Variants in GNB1 observed in about 807,000 individuals in gnomAD.
GNB1 encodes the protein G protein subunit beta 1, also known as guanine nucleotide-binding protein G(I)/G(S)/G(T) subunit beta-1.
In GNB1, 2 loss-of-function variants were observed where a neutral mutation model predicts 42.9. The observed-to-expected ratio is 0.05, with a 90% CI of 0.02 to 0.15. The LOEUF (loss-of-function observed/expected upper bound fraction) is 0.15. Ranked by LOEUF, GNB1 falls within the 10% of genes least tolerant of loss-of-function variation. The pLI is 1.00. For synonymous variants in GNB1, 183 were observed against 174.7 expected, an observed-to-expected ratio of 1.05 and a Z score of -0.38; for missense variants, 193 against 462.2, an observed-to-expected ratio of 0.42 and a Z score of 5.34.
intron 3 of GNB1, among the ~76,000 whole-genome samples, chr1:1,822,148 C>T (rs747344538): frequency 7.2e-5 from 11 of 151,994 alleles, no homozygotes; most frequent in Non-Finnish European, 1.5e-4. Flanking sequence ...TAATTCCACC[C>T]GTTTCTTTTC....
chr1:1,847,847 ACAC>A (rs1327320815), intron 1 of GNB1, among the ~76,000 whole-genome samples: 1 of 152,176 alleles, frequency 6.6e-6, no homozygotes, highest in Non-Finnish European at 1.5e-5. Context: ...GAGCTATTAG[ACAC>A]CACACCAGAG....
At chr1:1,881,813 T>A (rs1453084148) in intron 1 of GNB1, among the ~76,000 whole-genome samples, 1 of 152,158 alleles carries the variant, frequency 6.6e-6, no homozygotes, top group Non-Finnish European at 1.5e-5. Flanking sequence ...ATGCGCTTGA[T>A]AAATAATTAC....
chr1:1,876,502 A>T (rs1649552260), intron 1 of GNB1, among the ~76,000 whole-genome samples: 1 of 151,702 alleles, frequency 6.6e-6, no homozygotes, highest in Admixed American at 6.6e-5. Flanking sequence ...CGAGAGAGAG[A>T]GAGAGAGAGA....
intron 1 of GNB1, among the ~76,000 whole-genome samples, chr1:1,866,938 A>G (rs180765247): frequency 1.3e-5 from 2 of 151,394 alleles, no homozygotes; most frequent in East Asian, 2.0e-4. Context: ...TGGGGCACAC[A>G]GGGAGACTCC....
intron 2 of GNB1, among the ~76,000 whole-genome samples, chr1:1,836,735 G>C (rs1362039297): frequency 3.9e-5 from 6 of 152,156 alleles, no homozygotes; most frequent in Non-Finnish European, 8.8e-5. Flanking sequence ...ATTTTTAGTA[G>C]AGATGGGGTT....
chr1:1,813,252 C>A (rs934773355), intron 5 of GNB1, among the ~76,000 whole-genome samples: 8 of 151,676 alleles, frequency 5.3e-5, no homozygotes, highest in African/African-American at 1.9e-4. Flanking sequence ...GTAGCTGGGA[C>A]TACAGCTACC....
chr1:1,785,846 G>A lies in GNB1; in HGVS notation c.*1217C>T, dbSNP rs974099436. The A allele has an allele frequency of 3.7e-5, 12 of 323,376 alleles. No individual in the cohort carries two copies. The highest frequency in any genetic ancestry group is 8.2e-4 in the Middle Eastern group (1 of 1,214). The allele number at this position is 323,376 out of a possible 1,614,324, so 20.0% of individuals were successfully genotyped here. Reference sequence around the variant, plus strand: ...AATAAAGAAAACAGTGACTTATCCCGCTACCCAAGCGTGTAGAGCCGCGCG... The same window carrying A: ...AATAAAGAAAACAGTGACTTATCCCACTACCCAAGCGTGTAGAGCCGCGCG... On this transcript the variant is annotated 3_prime_UTR_variant, in exon 12 of 12. Transcript: ENST00000378609.
intron 2 of GNB1, among the ~76,000 whole-genome samples, chr1:1,832,906 A>G (rs1647096520): frequency 6.6e-6 from 1 of 152,240 alleles, no homozygotes; most frequent in Admixed American, 6.5e-5. Context: ...TCTATATCAC[A>G]GAGCTAAAAT....
chr1:1,811,135 G>A (rs1646772523), intron 5 of GNB1, among the ~76,000 whole-genome samples: 1 of 150,234 alleles, frequency 6.7e-6, no homozygotes, highest in African/African-American at 2.5e-5. Flanking sequence ...GCCCAGGCTG[G>A]AGTGCAGTGG....
chr1:1,818,044 A>G (rs1325616056), intron 3 of GNB1, 169 bp from the exon 4 acceptor site: 2 of 586,706 alleles, frequency 3.4e-6, no homozygotes, highest in African/African-American at 3.7e-5. Context: ...GTCTACTACC[A>G]TCTGTGGACT....
chr1:1,844,046 T>A (rs1647477375), intron 1 of GNB1, among the ~76,000 whole-genome samples: 1 of 151,766 alleles, frequency 6.6e-6, no homozygotes, highest in Non-Finnish European at 1.5e-5. Context: ...ATACAAAAAA[T>A]TAGCTGGGCG....
At chr1:1,807,361 G>A (rs1360968043) in intron 5 of GNB1, among the ~76,000 whole-genome samples, 1 of 149,634 alleles carries the variant, frequency 6.7e-6, no homozygotes, top group Non-Finnish European at 1.5e-5. Flanking sequence ...CTACTCAGGA[G>A]GCTGAGGTGG....
intron 1 of GNB1, among the ~76,000 whole-genome samples, chr1:1,886,618 C>T (rs749747487): frequency 5.9e-5 from 9 of 152,232 alleles, no homozygotes; most frequent in Non-Finnish European, 1.2e-4. Flanking sequence ...CTAAACCAAA[C>T]ACTTAACTGA....
At chr1:1,881,824 T>C (rs572915759) in intron 1 of GNB1, among the ~76,000 whole-genome samples, 1 of 152,298 alleles carries the variant, frequency 6.6e-6, no homozygotes, top group African/African-American at 2.4e-5. Context: ...AAATAATTAC[T>C]GAGCACCTGG....
rs549467528 is a variant in GNB1, at chr1:1,866,768, C to A, written c.-96+24052G>T. On this transcript the variant is annotated intron_variant, in intron 1 of 11. Coordinates refer to ENST00000378609, the MANE Select transcript of GNB1 (RefSeq NM_002074.5). ...AGGAGATCGAGACCATCTTGGCTAA[C>A]ACGGTGAAACCCCGTTTCTACTAAA... Among the ~76,000 whole-genome samples the A allele has an allele frequency of 6.6e-5, 10 of 150,484 alleles. No individual in the cohort carries two copies. In the South Asian group the frequency reaches 2.1e-3, roughly 32 times the overall value.
intron 5 of GNB1, among the ~76,000 whole-genome samples, chr1:1,809,285 G>A (rs1050711941): frequency 6.8e-6 from 1 of 147,166 alleles, no homozygotes; most frequent in African/African-American, 2.5e-5. Context: ...AGCAATTCTC[G>A]TGCGTCAGCC....
In GNB1 at chr1:1,841,533, T is replaced by C. The variant is rs367784114; in HGVS notation, c.-95-2295A>G. Among the ~76,000 whole-genome samples, 18 of 152,322 alleles carry C rather than the reference T, an allele frequency of 1.2e-4. 1 individual carries two copies. The highest frequency in any genetic ancestry group is 4.1e-4 in the African/African-American group (17 of 41,580). On this transcript the variant is annotated intron_variant, in intron 1 of 11. Transcript: ENST00000378609. ...GTAATCGCTCCCTCAAATTAAACTA[T>C]GTGAAAAGACCACTTGTGGAGGCTT... is the stretch of plus-strand genomic sequence containing the variant.
intron 1 of GNB1, among the ~76,000 whole-genome samples, chr1:1,855,183 T>G (rs1570719742): frequency 7.1e-6 from 1 of 141,122 alleles, no homozygotes; most frequent in Non-Finnish European, 1.5e-5. Flanking sequence ...CAGCTGAGTG[T>G]GGTGGTGGAT....
At chr1:1,847,736 C>T (rs945244041) in intron 1 of GNB1, among the ~76,000 whole-genome samples, 2 of 151,636 alleles carry the variant, frequency 1.3e-5, no homozygotes, top group African/African-American at 2.4e-5. Flanking sequence ...ACAGGATTTA[C>T]GAGAGCCAGA....
Sources: allele counts gnomAD v4.1 joint callset (sites outside exome capture counted in the v4.1 genomes callset), GRCh38; gene constraint gnomAD v4.1.1; transcripts MANE v1.5; gene names NCBI Gene and HGNC (gene_info 2026-07-23, HGNC 2026-07-21).